DACH1: variants seen among roughly 807,000 people sequenced by gnomAD.
The protein encoded by DACH1 is dachshund family transcription factor 1.
In DACH1, 12 loss-of-function variants were observed where a neutral mutation model predicts 54.2. The observed-to-expected ratio is 0.22, with a 90% CI of 0.14 to 0.36. The LOEUF (loss-of-function observed/expected upper bound fraction) is 0.36, where lower values mean the gene tolerates loss of function less well. Among genes scored for constraint, DACH1 ranks in the 10% least tolerant of loss-of-function variants. DACH1 has a pLI of 1.00. For synonymous variants in DACH1, 386 were observed against 366.2 expected (o/e 1.05, Z -0.62); for missense variants, 805 against 929.8 (o/e 0.87, Z 1.75).
chr13:71,738,364 T>C (rs1443070359), intron 1 of DACH1, among the ~76,000 whole-genome samples: 1 of 152,104 alleles, frequency 6.6e-6, no homozygotes, highest in Admixed American at 6.5e-5. Context: ...AAAGATACAT[T>C]TACAATATTA....
chr13:71,853,220 C>T (rs17791169), intron 1 of DACH1, among the ~76,000 whole-genome samples: 4,023 of 152,266 alleles, frequency 0.026, 78 homozygotes, highest in Non-Finnish European at 0.045. Flanking sequence ...TTATCAGGCT[C>T]TTCTAAATTC....
chr13:71,609,690 T>C (rs532222871), intron 3 of DACH1, among the ~76,000 whole-genome samples: 1 of 152,024 alleles, frequency 6.6e-6, no homozygotes, highest in Non-Finnish European at 1.5e-5. Context: ...CACGCCCGGC[T>C]AACTTTGTAT....
intron 1 of DACH1, among the ~76,000 whole-genome samples, chr13:71,710,440 A>G (rs1274210048): frequency 6.9e-6 from 1 of 144,324 alleles, no homozygotes; most frequent in African/African-American, 2.6e-5. Context: ...GTGAGGTTCA[A>G]ATATGAGGGT....
intron 1 of DACH1, among the ~76,000 whole-genome samples, chr13:71,793,819 G>A (rs1886929096): frequency 6.6e-6 from 1 of 152,114 alleles, no homozygotes; most frequent in African/African-American, 2.4e-5. Flanking sequence ...GAGCCACCAT[G>A]CCTAGCCGGT....
chr13:71,555,630 T>C (rs1278760547), intron 6 of DACH1, among the ~76,000 whole-genome samples: 1 of 152,042 alleles, frequency 6.6e-6, no homozygotes, highest in African/African-American at 2.4e-5. Flanking sequence ...TGTGAGCCAG[T>C]ACACCCAGCC....
chr13:71,642,226 CAGT>C (rs776616334), intron 2 of DACH1, among the ~76,000 whole-genome samples: 1 of 152,156 alleles, frequency 6.6e-6, no homozygotes, highest in Non-Finnish European at 1.5e-5. Context: ...TAAATCACTG[CAGT>C]AGATTTATTC....
At chr13:71,686,200 C>T (rs1282584741) in intron 1 of DACH1, among the ~76,000 whole-genome samples, 1 of 152,112 alleles carries the variant, frequency 6.6e-6, no homozygotes, top group Non-Finnish European at 1.5e-5. Flanking sequence ...TTGCCAGCTT[C>T]ATGCATTAGC....
At chr13:71,798,541 C>T (rs1287844612) in intron 1 of DACH1, among the ~76,000 whole-genome samples, 3 of 151,410 alleles carry the variant, frequency 2.0e-5, no homozygotes, top group Admixed American at 2.0e-4. Context: ...ATGCTTGTGT[C>T]GTATGTCAGA....
intron 6 of DACH1, among the ~76,000 whole-genome samples, chr13:71,553,192 ATC>A (rs1884002707): frequency 4.0e-4 from 2 of 4,994 alleles, no homozygotes; most frequent in African/African-American, 1.7e-3. Flanking sequence ...TTAGACATAT[ATC>A]CATATATGTA....
chr13:71,675,100 G>C, intron 2 of DACH1: 1 of 1,567,868 alleles, frequency 6.4e-7, no homozygotes, highest in East Asian at 2.2e-5. Flanking sequence ...CAAATCGACC[G>C]GTGGTAAAGC....
At chr13:71,740,052 T>G (rs1349026017) in intron 1 of DACH1, among the ~76,000 whole-genome samples, 1 of 152,210 alleles carries the variant, frequency 6.6e-6, no homozygotes, top group African/African-American at 2.4e-5. Flanking sequence ...TTATATCAAC[T>G]TGTACAAATA....
chr13:71,629,987 C>G (rs1003555021), intron 3 of DACH1, among the ~76,000 whole-genome samples: 10 of 152,024 alleles, frequency 6.6e-5, no homozygotes, highest in Non-Finnish European at 1.5e-4. Flanking sequence ...GTTAACTTTT[C>G]ATCTTTCTCC....
intron 6 of DACH1, among the ~76,000 whole-genome samples, chr13:71,513,147 G>T (rs1880906734): frequency 6.6e-6 from 1 of 151,886 alleles, no homozygotes; most frequent in African/African-American, 2.4e-5. Context: ...TTAGCAGTAT[G>T]TATTTGCATT....
At chr13:71,777,573 T>C (rs752546051) in intron 1 of DACH1, among the ~76,000 whole-genome samples, 2 of 152,142 alleles carry the variant, frequency 1.3e-5, no homozygotes, top group Non-Finnish European at 2.9e-5. Flanking sequence ...TATATAATTA[T>C]ATTGGCAGTG....
intron 2 of DACH1, among the ~76,000 whole-genome samples, chr13:71,667,896 T>C (rs1456004794): frequency 6.6e-6 from 1 of 152,124 alleles, no homozygotes; most frequent in African/African-American, 2.4e-5. Flanking sequence ...TGAATCAACA[T>C]GGTTCCATGG....
chr13:71,805,188 C>A (rs2138135473), intron 1 of DACH1, among the ~76,000 whole-genome samples: 1 of 152,166 alleles, frequency 6.6e-6, no homozygotes, highest in Admixed American at 6.5e-5. Flanking sequence ...AATAACCTTA[C>A]AAAGGTTTAT....
At chr13:71,470,220 A>G (rs2138159893) in intron 10 of DACH1, among the ~76,000 whole-genome samples, 1 of 152,344 alleles carries the variant, frequency 6.6e-6, no homozygotes, top group Middle Eastern at 3.4e-3. Flanking sequence ...AGAAGAAAAT[A>G]AAGTTAAAAA....
chr13:71,471,700 C>T (rs1315192413), intron 10 of DACH1, among the ~76,000 whole-genome samples: 2 of 150,850 alleles, frequency 1.3e-5, no homozygotes, highest in Non-Finnish European at 1.5e-5. Flanking sequence ...TATGGTGAAC[C>T]GAGATGGTGC....
intron 2 of DACH1, among the ~76,000 whole-genome samples, chr13:71,657,897 C>G (rs552852217): frequency 1.3e-5 from 2 of 152,020 alleles, no homozygotes; most frequent in African/African-American, 4.8e-5. Flanking sequence ...TGTGAGCCAC[C>G]GTGTCCCTGA....
Sources: allele counts gnomAD v4.1 joint callset (sites outside exome capture counted in the v4.1 genomes callset), GRCh38; gene constraint gnomAD v4.1.1; transcripts MANE v1.5; gene names NCBI Gene and HGNC (gene_info 2026-07-23, HGNC 2026-07-21).